PIGG: variants seen among roughly 807,000 people sequenced by gnomAD.
The protein encoded by PIGG is GPI ethanolamine phosphate transferase 2, catalytic subunit.
PIGG carries 70 observed loss-of-function variants against 83.2 expected under a neutral mutation model. That is an observed-to-expected ratio of 0.84 (90% CI 0.69 to 1.03). The LOEUF is 1.03. PIGG is among the 50% of genes least tolerant of loss of function. The pLI, the probability that PIGG is intolerant of heterozygous loss-of-function variation, is 0.00. For missense variants in PIGG, 1,257 were observed against 1,233.6 expected (o/e 1.02, Z -0.28); for synonymous variants, 532 against 519.5 (o/e 1.02, Z -0.33).
chr4:503,963 A>G (rs536877139), intron 2 of PIGG, among the ~76,000 whole-genome samples: 4 of 152,116 alleles, frequency 2.6e-5, no homozygotes, highest in Admixed American at 1.3e-4. Context: ...TGAGGTTCAC[A>G]TTTTAAAAAA....
chr4:529,665 G>A (rs1313655179), intron 10 of PIGG, among the ~76,000 whole-genome samples: 1 of 152,224 alleles, frequency 6.6e-6, no homozygotes, highest in Non-Finnish European at 1.5e-5. Flanking sequence ...ATCCTTTACA[G>A]ATAACTATCA....
In PIGG at chr4:516,854, C is replaced by CAAA. The variant is rs1178401194; in HGVS notation, c.1114+691_1114+693dup. On this transcript the variant is annotated intron_variant, in intron 6 of 12. Coordinates refer to ENST00000453061, the MANE Select transcript of PIGG (RefSeq NM_001127178.3). The stretch of plus-strand genomic sequence containing the variant: ...CTGGCAACAGAGCAAGACTCTGCCT[C>CAAA]AAAAAAAAAAAAAAAAAAAAAAAAG... Among the ~76,000 whole-genome samples, 150 of 45,848 alleles carry CAAA rather than the reference C, an allele frequency of 3.3e-3. 1 individual carries two copies. Among genetic ancestry groups the CAAA allele is most frequent in the East Asian group, 5.3e-3 (8 of 1,520 alleles). The allele number at this position is 45,848 out of a possible 152,430, so 30.1% of individuals were successfully genotyped here.
intron 2 of PIGG, among the ~76,000 whole-genome samples, chr4:500,933 A>G (rs782710799): frequency 6.6e-6 from 1 of 152,224 alleles, no homozygotes; most frequent in Non-Finnish European, 1.5e-5. Flanking sequence ...ACAATCTTAG[A>G]AGGAGCCTTT....
intron 4 of PIGG, among the ~76,000 whole-genome samples, chr4:507,957 T>C (rs1720412543): frequency 6.6e-6 from 1 of 152,196 alleles, no homozygotes; most frequent in East Asian, 1.9e-4. Flanking sequence ...CTCTCTCTTC[T>C]GTGTCACTCT....
intron 6 of PIGG, among the ~76,000 whole-genome samples, chr4:518,377 A>AG (rs368348623): frequency 0.012 from 1,823 of 152,220 alleles, 15 homozygotes; most frequent in Middle Eastern, 0.034. Flanking sequence ...GGGGATCACA[A>AG]GGTCAGGAGA....
rs747409494 is a variant in PIGG, at chr4:521,671, GCTC to G, written c.1347_1349del (p.Leu451del). On this transcript the variant is annotated inframe_deletion, in exon 8 of 13. Transcript: ENST00000453061. ...TTTCTCTGTTCCAGGTTCTCACCCT[GCTC>G]CTGCTCAGCGTCCCACAGGCACTGC... 1 of 1,614,040 alleles carries G rather than the reference GCTC, an allele frequency of 6.2e-7. No individual in the cohort carries two copies. Among genetic ancestry groups the G allele is most frequent in the South Asian group, 1.1e-5 (1 of 91,086 alleles).
chr4:523,650 C>T lies in PIGG; in HGVS notation c.1806C>T (p.Asp602=), dbSNP rs150599490. 4.0e-5 allele frequency: 65 copies of T among 1,614,190 alleles called. No individual in the cohort carries two copies. Among genetic ancestry groups the T allele is most frequent in the South Asian group, 8.8e-5 (8 of 91,082 alleles). ...ACAGAAACTACTTTCTGGGAGATGA[C>T]GGTGAGCCTCCGTGTGGCCTCTGTG... is the stretch of plus-strand genomic sequence containing the variant. ...ETYRNYFLGD[D]GEPPCGLCVE... is the part of the protein sequence containing the mutation. The change falls in exon 9 of 13, where the codon GAC becomes GAT. Residue 602 remains aspartate, a synonymous_variant. Coordinates refer to ENST00000453061, the MANE Select transcript of PIGG (RefSeq NM_001127178.3).
At chr4:531,866 T>G (rs1729150647) in intron 11 of PIGG, 2 of 152,396 alleles carry the variant, frequency 1.3e-5, no homozygotes, top group African/African-American at 4.8e-5. Flanking sequence ...GCCTGGATGC[T>G]GGTATCCAGC....
intron 12 of PIGG, chr4:537,416 G>A (rs1278860431): frequency 6.9e-6 from 1 of 145,118 alleles, no homozygotes; most frequent in Non-Finnish European, 1.5e-5. Context: ...CCATGTCTAA[G>A]CCACAGCTTC....
At chr4:513,860 G>A (rs1723014198) in intron 5 of PIGG, among the ~76,000 whole-genome samples, 1 of 152,222 alleles carries the variant, frequency 6.6e-6, no homozygotes, top group South Asian at 2.1e-4. Context: ...CCAATCAAAG[G>A]TGCAAAATCA....
chr4:511,242 G>A (rs550927275), intron 5 of PIGG, among the ~76,000 whole-genome samples: 17 of 148,922 alleles, frequency 1.1e-4, no homozygotes, highest in Admixed American at 9.4e-4. Context: ...GCAGTGAGCC[G>A]AGATCGTGCC....
At chr4:533,569 C>T (rs1029689739) in intron 11 of PIGG, 26 of 535,464 alleles carry the variant, frequency 4.9e-5, no homozygotes, top group Non-Finnish European at 7.8e-5. Flanking sequence ...AGCTTCTGCA[C>T]GGTCCGCTCA....
intron 5 of PIGG, among the ~76,000 whole-genome samples, chr4:509,236 A>G (rs1466795161): frequency 1.3e-5 from 2 of 152,222 alleles, no homozygotes; most frequent in African/African-American, 2.4e-5. Context: ...AAAAATTGCC[A>G]GTAGCTCAGA....
Position 499,334 on chromosome 4 carries a change from CG to C in PIGG, c.-1del, listed in dbSNP as rs782032056. ...TTCCGCATCCAGCCTAGCGTGTCCA[CG>C]ATGCGGCTGGGCTCCGGGACTTTCG... On this transcript the variant is annotated 5_prime_UTR_variant, in exon 1 of 13. Transcript: ENST00000453061. 39 of 1,607,066 alleles carry C rather than the reference CG, an allele frequency of 2.4e-5. No individual in the cohort carries two copies. Among genetic ancestry groups the C allele is most frequent in the Middle Eastern group, 3.3e-4 (2 of 6,050 alleles).
chr4:505,020 T>G (rs559826511), intron 2 of PIGG, among the ~76,000 whole-genome samples: 2 of 152,308 alleles, frequency 1.3e-5, no homozygotes, highest in South Asian at 4.1e-4. Context: ...ATTGCTGGAT[T>G]GTTAGGAGTC....
rs1286998581 is a variant in PIGG at position 528,843 on chromosome 4, C to T, written c.2262-1593C>T. The T allele has an allele frequency of 2.3e-6, 1 of 435,590 alleles. No homozygotes were observed. The highest frequency in any genetic ancestry group is 2.1e-5 in the African/African-American group (1 of 46,608). 27.0% of individuals were successfully genotyped at this position (435,590 alleles called of 1,614,324 possible). ...AACTAGCCAGTGTGCCTTTTCTTTCCACACGCACTGCCTGGTTCACCTTCT... is the reference window on the plus strand; with the variant it reads ...AACTAGCCAGTGTGCCTTTTCTTTCTACACGCACTGCCTGGTTCACCTTCT... On this transcript the variant is annotated intron_variant, in intron 10 of 12. Coordinates refer to ENST00000453061, the MANE Select transcript of PIGG (RefSeq NM_001127178.3). This position sits in a 1 kb window ranked among gnomAD's most constrained non-coding sequence, Gnocchi z 4.8.
Position 527,032 on chromosome 4 carries a change from A to C in PIGG, c.2070-7A>C, listed in dbSNP as rs748905772. ...ACGTAATGCTGGCATTTTCCATCTC[A>C]TTTCAGCTCTGACCACAAAGCCGAG... On this transcript the variant is annotated splice_polypyrimidine_tract_variant and splice_region_variant and intron_variant, in intron 9 of 12. Transcript: ENST00000453061. 26 of 1,613,790 alleles carry C rather than the reference A, an allele frequency of 1.6e-5. No homozygotes were observed. Among genetic ancestry groups the C allele is most frequent in the Non-Finnish European group, 2.1e-5 (25 of 1,179,968 alleles).
chr4:501,433 T>A (rs1359297666), intron 2 of PIGG, among the ~76,000 whole-genome samples: 1 of 152,130 alleles, frequency 6.6e-6, no homozygotes, highest in Non-Finnish European at 1.5e-5. Flanking sequence ...ACTGGAAGGA[T>A]GAATAAAGGT....
At chr4:518,486 G>A (rs1051113868) in intron 6 of PIGG, among the ~76,000 whole-genome samples, 6 of 152,284 alleles carry the variant, frequency 3.9e-5, no homozygotes, top group East Asian at 1.9e-4. Context: ...CCAGCTACTC[G>A]GGAGGCTGAG....
Sources: allele counts gnomAD v4.1 joint callset (sites outside exome capture counted in the v4.1 genomes callset), GRCh38; gene constraint gnomAD v4.1.1; non-coding constraint Gnocchi (gnomAD v3.1); transcripts MANE v1.5; gene names NCBI Gene and HGNC (gene_info 2026-07-23, HGNC 2026-07-21).